Variants in CLCA4 observed in about 807,000 individuals in gnomAD.
The protein encoded by CLCA4 is calcium-activated chloride channel regulator 4.
CLCA4 carries 69 observed loss-of-function variants against 78.9 expected under a neutral mutation model. That is an observed-to-expected ratio of 0.87 (90% CI 0.72 to 1.07). The LOEUF (loss-of-function observed/expected upper bound fraction) is 1.07, where lower values mean the gene tolerates loss of function less well. Ranked by LOEUF, CLCA4 falls within the 50% of genes least tolerant of loss-of-function variation. CLCA4 has a pLI of 0.00. For missense variants in CLCA4, 1,133 were observed against 1,095.8 expected, an observed-to-expected ratio of 1.03 and a Z score of -0.48; for synonymous variants, 362 against 375.8, an observed-to-expected ratio of 0.96 and a Z score of 0.42.
In CLCA4 at chr1:86,565,266, AT is replaced by A; in HGVS notation, c.558-4del. 1 of 1,576,610 alleles carries A rather than the reference AT, an allele frequency of 6.3e-7. No individual in the cohort carries two copies. The highest frequency in any genetic ancestry group is 8.6e-7 in the Non-Finnish European group (1 of 1,163,280). ...TTGCCTCAAAGATTAACTGTCATAT[AT>A]TTTCAGGTGTTCCGCAGGTATCTCT... On this transcript the variant is annotated splice_region_variant and splice_polypyrimidine_tract_variant and intron_variant, in intron 4 of 13. Transcript: ENST00000370563.
In CLCA4 at chr1:86,547,194, G is replaced by C. The variant is rs1649528737; in HGVS notation, c.75G>C (p.Lys25Asn). 1 of 1,611,786 alleles carries C rather than the reference G, an allele frequency of 6.2e-7. No individual in the cohort carries two copies. Among genetic ancestry groups the C allele is most frequent in the Non-Finnish European group, 8.5e-7 (1 of 1,179,266 alleles). ...LLHQSNTSFI[K>N]LNNNGFEDIV... ...ACCAGTCAAATACTTCCTTCATTAAGCTGAATAATAATGGCTTTGAAGATA... is the reference window on the plus strand; with the variant it reads ...ACCAGTCAAATACTTCCTTCATTAACCTGAATAATAATGGCTTTGAAGATA... The change falls in exon 1 of 14, where the codon AAG becomes AAC. Residue 25 changes from lysine (K) to asparagine (N), a missense_variant. Coordinates refer to ENST00000370563, the MANE Select transcript of CLCA4 (RefSeq NM_012128.4).
At chr1:86,570,545 A>G (rs1570332319) in intron 7 of CLCA4, among the ~76,000 whole-genome samples, 1 of 152,192 alleles carries the variant, frequency 6.6e-6, no homozygotes, top group South Asian at 2.1e-4. Context: ...GTTGCATAAC[A>G]AAGTCCCTAA....
At position 86,580,236 on chromosome 1, in the gene CLCA4, C is replaced by T. The variant is rs371511570; in HGVS notation, c.2651C>T (p.Thr884Ile). ...DIDPTPTPTP[T>I]PTPDKSHNSG... ...GATCCTACACCTACTCCTACTCCTA[C>T]TCCTACTCCTGATAAAAGTCATAAT... Residue 884 changes from threonine to isoleucine, a missense_variant, in exon 14 of 14, where the codon ACT becomes ATT. By Grantham distance (89) the Thr-to-Ile change is moderately conservative. Coordinates refer to ENST00000370563, the MANE Select transcript of CLCA4 (RefSeq NM_012128.4). 6.2e-6 allele frequency: 10 copies of T among 1,610,946 alleles called. No homozygotes were observed. The highest frequency in any genetic ancestry group is 4.4e-5 in the South Asian group (4 of 90,864).
At chr1:86,564,251 A>C (rs1650108177) in intron 4 of CLCA4, among the ~76,000 whole-genome samples, 1 of 152,144 alleles carries the variant, frequency 6.6e-6, no homozygotes, top group Non-Finnish European at 1.5e-5. Flanking sequence ...CTGTGATCAA[A>C]AGAGCAAAAT....
At chr1:86,570,471 T>C (rs1246204206) in intron 7 of CLCA4, among the ~76,000 whole-genome samples, 1 of 152,094 alleles carries the variant, frequency 6.6e-6, no homozygotes, top group African/African-American at 2.4e-5. Flanking sequence ...ATAATTTTAA[T>C]ATATTCTTTA....
chr1:86,571,318 TCAA>T, intron 8 of CLCA4, 64 bp downstream of exon 8: 2 of 1,461,638 alleles, frequency 1.4e-6, no homozygotes, highest in Non-Finnish European at 1.9e-6. Flanking sequence ...GGCTGACAGT[TCAA>T]CAACGTCTCT....
intron 8 of CLCA4, chr1:86,571,507 G>A: frequency 3.2e-6 from 1 of 313,464 alleles, no homozygotes; most frequent in East Asian, 5.2e-5. Flanking sequence ...TGTGAGCAGA[G>A]GAAGCCATTA....
chr1:86,552,600 G>C (rs577305295), intron 1 of CLCA4: 2 of 628,124 alleles, frequency 3.2e-6, no homozygotes, highest in Admixed American at 2.7e-5. Context: ...ACACAGCTGC[G>C]AGCGCTCAGG....
intron 6 of CLCA4, 42 bp from the exon 7 acceptor site, chr1:86,567,382 A>G: frequency 6.8e-7 from 1 of 1,477,974 alleles, no homozygotes; most frequent in Non-Finnish European, 9.2e-7. Flanking sequence ...ATTATTTTCC[A>G]GTCAAAATCA....
intron 1 of CLCA4, among the ~76,000 whole-genome samples, chr1:86,550,299 C>T (rs1265677507): frequency 1.3e-5 from 2 of 152,098 alleles, no homozygotes; most frequent in Non-Finnish European, 2.9e-5. Context: ...GTTTAAAGAA[C>T]AGTTAATGCA....
chr1:86,579,649 G>GGTTTT, intron 13 of CLCA4, 62 bp downstream of exon 13: 1 of 837,940 alleles, frequency 1.2e-6, no homozygotes, highest in Non-Finnish European at 2.0e-6. Flanking sequence ...AAAAACAGGG[G>GGTTTT]TGTAAGGGTG....
Position 86,571,010 on chromosome 1 carries a change from C to T in CLCA4, c.1183-67C>T. ...TTTATTTTCTCTGTAAATTTTTTCT[C>T]ATTTCCCATTTGTCTATTTGATCTA... On this transcript the variant is annotated intron_variant, in intron 7 of 13. Coordinates refer to ENST00000370563, the MANE Select transcript of CLCA4 (RefSeq NM_012128.4). 4.2e-6 allele frequency: 5 copies of T among 1,179,630 alleles called. No homozygotes were observed. In the East Asian group the frequency reaches 7.2e-5, roughly 17 times the overall value. 73.1% of individuals were successfully genotyped at this position (1,179,630 alleles called of 1,614,324 possible). A position where few individuals can be genotyped will look rare whatever the true frequency, so the allele number is the denominator to read the frequency against.
chr1:86,547,078 G>C lies in CLCA4; in HGVS notation c.-42G>C. The C allele has an allele frequency of 6.4e-7, 1 of 1,574,646 alleles. No homozygotes were observed. The highest frequency in any genetic ancestry group is 8.6e-7 in the Non-Finnish European group (1 of 1,168,316). ...AAGAGAAAGAAAAGAAAAGCCTCTT[G>C]AACAAACCAACATTTGAGCCAGGAA... is the stretch of plus-strand genomic sequence containing the variant. On this transcript the variant is annotated 5_prime_UTR_variant, in exon 1 of 14. Transcript: ENST00000370563.
chr1:86,553,284 G>T (rs2101791168), intron 1 of CLCA4: 2 of 752,186 alleles, frequency 2.7e-6, no homozygotes, highest in Middle Eastern at 2.4e-4. Flanking sequence ...GCCGGCCAGG[G>T]CTCCCTCCAC....
In CLCA4 at chr1:86,577,121, C is replaced by T. The variant is rs117904429; in HGVS notation, c.1952-781C>T. On this transcript the variant is annotated intron_variant, in intron 11 of 13. Coordinates refer to ENST00000370563, the MANE Select transcript of CLCA4 (RefSeq NM_012128.4). The stretch of plus-strand genomic sequence containing the variant: ...GATATATCAATATTTCCACAACTAT[C>T]CCTTGCCTCTTTTTTCCCTTTCTGC... 2.9e-4 allele frequency among the ~76,000 whole-genome samples: 44 copies of T among 152,204 alleles called. 1 individual carries two copies. In the East Asian group the frequency reaches 8.3e-3, roughly 29 times the overall value.
Position 86,579,343 on chromosome 1 carries a change from G to A in CLCA4, c.2123-11G>A, listed in dbSNP as rs757245263. The A allele has an allele frequency of 1.9e-6, 3 of 1,604,124 alleles. No individual in the cohort carries two copies. Among genetic ancestry groups the A allele is most frequent in the South Asian group, 1.1e-5 (1 of 90,802 alleles). ...TTTTGCCCATTATAAACCAGGAAAT[G>A]TTTAATGCAGGGGAAATTGAAGCAA... On this transcript the variant is annotated splice_polypyrimidine_tract_variant and intron_variant, in intron 12 of 13. Transcript: ENST00000370563.
rs757949936 is a variant in CLCA4 at position 86,579,894 on chromosome 1, A to T, written c.2357-48A>T. 6.1e-5 allele frequency: 72 copies of T among 1,185,392 alleles called. No individual in the cohort carries two copies. In the East Asian group the frequency reaches 1.6e-3, roughly 26 times the overall value. 73.4% of individuals were successfully genotyped at this position (1,185,392 alleles called of 1,614,324 possible). A position where few individuals can be genotyped will look rare whatever the true frequency, so the allele number is the denominator to read the frequency against. On this transcript the variant is annotated intron_variant, in intron 13 of 13. Transcript: ENST00000370563. ...TTTGAGAATAAATAAAAAGGAATGAATATGCTATGCTGCAGTCTCTAAACT... is the reference window on the plus strand; with the variant it reads ...TTTGAGAATAAATAAAAAGGAATGATTATGCTATGCTGCAGTCTCTAAACT...
chr1:86,579,858 A>G, intron 13 of CLCA4, 84 bp from the exon 14 acceptor site: 1 of 967,918 alleles, frequency 1.0e-6, no homozygotes, highest in Non-Finnish European at 1.5e-6. Flanking sequence ...TGCTTTGCAT[A>G]ACTAGACATT....
In CLCA4 at chr1:86,552,899, A is replaced by G; in HGVS notation, c.159+5621A>G. ...AGCTTCCTCTGTTTTCTTGAGGGCC[A>G]TCCATCTCCCAGACGCTCCTCCCTC... On this transcript the variant is annotated intron_variant, in intron 1 of 13. Transcript: ENST00000370563. 11 of 686,884 alleles carry G rather than the reference A, an allele frequency of 1.6e-5. No homozygotes were observed. The South Asian group carries it at 1.7e-4, about 10-fold the overall frequency. 42.5% of individuals were successfully genotyped at this position (686,884 alleles called of 1,614,324 possible).
Sources: gnomAD v4.1 joint callset for allele counts (sites outside exome capture counted in the v4.1 genomes callset) on GRCh38, gnomAD v4.1.1 for gene constraint, MANE v1.5 for transcripts, NCBI Gene and HGNC (gene_info 2026-07-23, HGNC 2026-07-21) for gene names.